UGT8: variants seen among roughly 807,000 people sequenced by gnomAD.
The protein encoded by UGT8 is 2-hydroxyacylsphingosine 1-beta-galactosyltransferase.
UGT8 carries 12 observed loss-of-function variants against 40.5 expected under a neutral mutation model. The ratio of observed to expected loss-of-function variants is 0.30; its 90% CI spans 0.19 to 0.48. The LOEUF is 0.48. Ranked by LOEUF, UGT8 falls within the 20% of genes least tolerant of loss-of-function variation. UGT8 has a pLI of 0.99. For synonymous variants in UGT8, 224 were observed against 240.4 expected, an observed-to-expected ratio of 0.93 and a Z score of 0.63; for missense variants, 513 against 648.7, an observed-to-expected ratio of 0.79 and a Z score of 2.27.
intron 2 of UGT8, among the ~76,000 whole-genome samples, chr4:114,626,509 A>G (rs1732232471): frequency 6.6e-6 from 1 of 152,230 alleles, no homozygotes; most frequent in Admixed American, 6.5e-5. Flanking sequence ...AGGACATTTT[A>G]AATAAGCTTT....
At chr4:114,639,375 A>G (rs573074532) in intron 2 of UGT8, among the ~76,000 whole-genome samples, 11 of 152,340 alleles carry the variant, frequency 7.2e-5, no homozygotes, top group African/African-American at 2.6e-4. Context: ...TGTTTAACAT[A>G]AGAACATTCA....
chr4:114,663,659 G>T (rs1487724754), intron 2 of UGT8: 3 of 982,818 alleles, frequency 3.1e-6, no homozygotes, highest in Admixed American at 6.2e-5. Context: ...TCTTTTGTTT[G>T]TGTCTGCATA....
intron 5 of UGT8, among the ~76,000 whole-genome samples, chr4:114,669,905 T>C (rs1414491138): frequency 6.6e-6 from 1 of 152,226 alleles, no homozygotes; most frequent in Non-Finnish European, 1.5e-5. Flanking sequence ...TAAAAGTCAT[T>C]ATATAAACTG....
At position 114,622,888 on chromosome 4, in the gene UGT8, C is replaced by T. The variant is rs1731912136; in HGVS notation, c.8C>T (p.Ser3Phe). Reference protein sequence around the residue: MKSYTPYFILLWS... With the variant: MKFYTPYFILLWS... Reference sequence around the variant, plus strand: ...CTGGTTGTTATTACAGCTATGAAGTCTTACACTCCATATTTCATTCTCCTG... The same window carrying T: ...CTGGTTGTTATTACAGCTATGAAGTTTTACACTCCATATTTCATTCTCCTG... Residue 3 changes from serine (S) to phenylalanine (F), a missense_variant, in exon 2 of 6, where the codon TCT becomes TTT. Ser to Phe is a radical substitution (Grantham distance 155). Transcript: ENST00000310836. The T allele has an allele frequency of 6.2e-7, 1 of 1,611,028 alleles. No individual in the cohort carries two copies. The highest frequency in any genetic ancestry group is 1.3e-5 in the African/African-American group (1 of 74,984).
intron 1 of UGT8, among the ~76,000 whole-genome samples, chr4:114,615,126 T>C (rs1464721342): frequency 6.6e-6 from 1 of 152,150 alleles, no homozygotes; most frequent in Non-Finnish European, 1.5e-5. Context: ...TTAACAACTT[T>C]TTTTAAGCTT....
chr4:114,651,317 A>G (rs768296734), intron 2 of UGT8, among the ~76,000 whole-genome samples: 36 of 152,208 alleles, frequency 2.4e-4, no homozygotes, highest in Non-Finnish European at 4.6e-4. Context: ...ACAAGTTACG[A>G]TTGGCTCTTT....
At chr4:114,664,166 G>A in intron 3 of UGT8, 29 bp downstream of exon 3, 1 of 1,609,088 alleles carries the variant, frequency 6.2e-7, no homozygotes, top group Non-Finnish European at 8.5e-7. Flanking sequence ...TTGTTTCTTT[G>A]CTATTGACAA....
At chr4:114,663,408 T>C (rs1373670537) in intron 2 of UGT8, among the ~76,000 whole-genome samples, 1 of 152,138 alleles carries the variant, frequency 6.6e-6, no homozygotes, top group East Asian at 1.9e-4. Context: ...CAACGTGCCG[T>C]GGCTCTATTT....
chr4:114,599,849 GT>G (rs1332845697), intron 1 of UGT8, among the ~76,000 whole-genome samples: 4 of 152,154 alleles, frequency 2.6e-5, no homozygotes, highest in African/African-American at 7.2e-5. Flanking sequence ...GATGCAGTGC[GT>G]CGGGGCAAAA....
chr4:114,670,348 G>A (rs6846893), intron 5 of UGT8, among the ~76,000 whole-genome samples: 4,855 of 141,910 alleles, frequency 0.034, 248 homozygotes, highest in African/African-American at 0.12. Flanking sequence ...GGAGAATGGC[G>A]TGAACCTGGG....
chr4:114,649,558 C>A (rs1299578176), intron 2 of UGT8, among the ~76,000 whole-genome samples: 1 of 152,148 alleles, frequency 6.6e-6, no homozygotes, highest in Non-Finnish European at 1.5e-5. Flanking sequence ...TACCATCCTC[C>A]TGTGCAACCC....
At chr4:114,615,186 A>G (rs1286869991) in intron 1 of UGT8, among the ~76,000 whole-genome samples, 1 of 151,910 alleles carries the variant, frequency 6.6e-6, no homozygotes, top group Non-Finnish European at 1.5e-5. Flanking sequence ...TTAATTTACT[A>G]GATACTAGAT....
chr4:114,612,108 C>G (rs1166193782), intron 1 of UGT8, among the ~76,000 whole-genome samples: 1 of 152,042 alleles, frequency 6.6e-6, no homozygotes, highest in Non-Finnish European at 1.5e-5. Context: ...AAAATGCTTT[C>G]CAGGTAAGTT....
chr4:114,620,845 G>A (rs141029136), intron 1 of UGT8, among the ~76,000 whole-genome samples: 70 of 152,190 alleles, frequency 4.6e-4, no homozygotes, highest in African/African-American at 1.4e-3. Context: ...TTAAAACTGC[G>A]TTTAGATGTT....
intron 2 of UGT8, among the ~76,000 whole-genome samples, chr4:114,631,465 C>A (rs949387513): frequency 1.3e-5 from 2 of 152,166 alleles, no homozygotes; most frequent in Admixed American, 6.5e-5. Flanking sequence ...CCAGCCTGGG[C>A]GACAGAGTGA....
intron 5 of UGT8, among the ~76,000 whole-genome samples, chr4:114,670,492 G>A (rs1211305228): frequency 1.3e-5 from 2 of 151,218 alleles, no homozygotes; most frequent in Non-Finnish European, 2.9e-5. Context: ...TCATCCCTGG[G>A]ATGCAAGGCT....
Position 114,676,291 on chromosome 4 carries a change from C to T in UGT8, c.*3C>T. On this transcript the variant is annotated 3_prime_UTR_variant, in exon 6 of 6. Coordinates refer to ENST00000310836, the MANE Select transcript of UGT8 (RefSeq NM_001128174.3). ...AACATGAAAAGAAAGTGAAATGAGCCAACAGCCCAGGTGATAGAAATAAAT... is the reference window on the plus strand; with the variant it reads ...AACATGAAAAGAAAGTGAAATGAGCTAACAGCCCAGGTGATAGAAATAAAT... The T allele has an allele frequency of 6.4e-7, 1 of 1,573,222 alleles. No homozygotes were observed. Among genetic ancestry groups the T allele is most frequent in the Non-Finnish European group, 8.6e-7 (1 of 1,160,916 alleles).
Position 114,664,028 on chromosome 4 carries a change from C to T in UGT8, c.856C>T (p.His286Tyr). 3.7e-6 allele frequency: 6 copies of T among 1,613,980 alleles called. No homozygotes were observed. The highest frequency in any genetic ancestry group is 5.1e-6 in the Non-Finnish European group (6 of 1,179,950). ...AAGATGGGTAAATGGTGCTAATGAA[C>T]ATGGCTTTGTCTTGGTGTCTTTTGG... ...LQRWVNGANE[H>Y]GFVLVSFGAG... Residue 286 changes from histidine (H) to tyrosine (Y), a missense_variant, in exon 3 of 6, where the codon CAT (histidine) becomes TAT (tyrosine). By Grantham distance (83) the His-to-Tyr change is moderately conservative. This residue lies in a region of UGT8 where 335 missense variants were observed against 444.8 expected (regional missense o/e 0.75). Transcript: ENST00000310836.
intron 4 of UGT8, 48 bp from the exon 5 acceptor site, chr4:114,668,037 T>C (rs1482988774): frequency 2.5e-6 from 4 of 1,593,210 alleles, no homozygotes; most frequent in Admixed American, 1.7e-5. Context: ...AAATCTCTTC[T>C]GTAGAGTAAT....
Sources: gnomAD v4.1 joint callset for allele counts (sites outside exome capture counted in the v4.1 genomes callset) on GRCh38, gnomAD v4.1.1 for gene constraint, gnomAD v4.1.1 regional missense constraint, MANE v1.5 for transcripts, NCBI Gene and HGNC (gene_info 2026-07-23, HGNC 2026-07-21) for gene names.